The following KAZN variants were observed in gnomAD, a reference collection of about 807,000 sequenced individuals.
KAZN encodes the protein kazrin, periplakin interacting protein.
In KAZN, 40 loss-of-function variants were observed where a neutral mutation model predicts 87.4. The ratio of observed to expected loss-of-function variants is 0.46; its 90% CI spans 0.36 to 0.60. The LOEUF (loss-of-function observed/expected upper bound fraction) is 0.60. Among genes scored for constraint, KAZN ranks in the 20% least tolerant of loss-of-function variants. The pLI, the probability that KAZN is intolerant of heterozygous loss-of-function variation, is 0.00. For missense variants in KAZN, 898 were observed against 1,073.9 expected (o/e 0.84, Z 2.29); for synonymous variants, 466 against 458.3 (o/e 1.02, Z -0.22).
intron 1 of KAZN, among the ~76,000 whole-genome samples, chr1:14,149,095 C>T (rs1444706443): frequency 1.9e-4 from 10 of 51,802 alleles, no homozygotes; most frequent in South Asian, 9.0e-4. Context: ...TCCTTCCTTT[C>T]TTTCTTTCCT....
chr1:15,082,443 G>A (rs1418850127), intron 8 of KAZN, among the ~76,000 whole-genome samples: 1 of 152,178 alleles, frequency 6.6e-6, no homozygotes, highest in Non-Finnish European at 1.5e-5. Context: ...CCCAGGGCAT[G>A]GGTCACTCAG....
At chr1:13,962,195 C>T (rs1166644863) in intron 1 of KAZN, among the ~76,000 whole-genome samples, 2 of 152,064 alleles carry the variant, frequency 1.3e-5, no homozygotes, top group Admixed American at 6.6e-5. Flanking sequence ...TGCCGGGGCT[C>T]TGGGCTGGGT....
At chr1:14,835,380 G>A (rs1647199778) in intron 1 of KAZN, among the ~76,000 whole-genome samples, 1 of 152,190 alleles carries the variant, frequency 6.6e-6, no homozygotes, top group Non-Finnish European at 1.5e-5. Context: ...TACAGCTCCA[G>A]AGAGTGTTTC....
rs1046112946 is a variant in KAZN at position 14,820,563 on chromosome 1, C to A, written c.227-140121C>A. On this transcript the variant is annotated intron_variant, in intron 1 of 14. Coordinates refer to ENST00000376030, the MANE Select transcript of KAZN (RefSeq NM_201628.3). The surrounding 1 kb of genome is among the most constrained non-coding windows in gnomAD (Gnocchi z 4.1). ...GCAGAACAAACTGCATGGAATGTCA[C>A]GTGGGGTTTTCCACTCTCGCCCACA... 6.6e-6 allele frequency among the ~76,000 whole-genome samples: 1 copy of A among 152,234 alleles called. No individual in the cohort carries two copies. The highest frequency in any genetic ancestry group is 1.9e-4 in the East Asian group (1 of 5,204).
intron 1 of KAZN, among the ~76,000 whole-genome samples, chr1:14,904,844 C>T (rs994402499): frequency 1.9e-4 from 29 of 152,210 alleles, no homozygotes; most frequent in Non-Finnish European, 2.4e-4. Flanking sequence ...TCACTGCAAG[C>T]TCCGCCACTC....
intron 1 of KAZN, among the ~76,000 whole-genome samples, chr1:14,802,614 G>A (rs191955361): frequency 1.3e-5 from 2 of 152,134 alleles, no homozygotes; most frequent in East Asian, 1.9e-4. Flanking sequence ...CAGCCGTCTC[G>A]GGGCTGGGAA....
At chr1:14,560,535 G>A (rs961445451) in intron 2 of KAZN, among the ~76,000 whole-genome samples, 9 of 152,118 alleles carry the variant, frequency 5.9e-5, no homozygotes, top group African/African-American at 1.2e-4. Context: ...CCGAGATCGC[G>A]CCACTGCACT....
chr1:14,650,032 CTTTTTTTT>C (rs34399319), intron 1 of KAZN, among the ~76,000 whole-genome samples: 2,130 of 88,384 alleles, frequency 0.024, 31 homozygotes, highest in South Asian at 0.029. Flanking sequence ...CTCCACCCAT[CTTTTTTTT>C]TTTTTTTTTT....
At chr1:14,402,113 AT>A (rs1165525506) in intron 2 of KAZN, among the ~76,000 whole-genome samples, 2 of 151,512 alleles carry the variant, frequency 1.3e-5, no homozygotes, top group East Asian at 3.9e-4. Flanking sequence ...GAACATATAT[AT>A]TTTCAGAACT....
At chr1:14,572,592 T>G (rs965791813) in intron 2 of KAZN, among the ~76,000 whole-genome samples, 2 of 152,228 alleles carry the variant, frequency 1.3e-5, no homozygotes, top group Non-Finnish European at 1.5e-5. Context: ...GGCTGGCTTC[T>G]TGTGCGCTTG....
At chr1:14,813,847 A>C (rs1455148568) in intron 1 of KAZN, among the ~76,000 whole-genome samples, 4 of 152,222 alleles carry the variant, frequency 2.6e-5, no homozygotes, top group Non-Finnish European at 5.9e-5. Flanking sequence ...GTTGAGAATT[A>C]AACAAGACAG....
At chr1:14,718,271 A>G (rs912122586) in intron 1 of KAZN, among the ~76,000 whole-genome samples, 4 of 152,194 alleles carry the variant, frequency 2.6e-5, no homozygotes, top group African/African-American at 9.7e-5. Flanking sequence ...TTATGTTGCC[A>G]CCACATTTGT....
intron 1 of KAZN, among the ~76,000 whole-genome samples, chr1:14,751,071 T>G (rs6661767): frequency 0.45 from 68,099 of 151,792 alleles, 15,566 homozygotes; most frequent in Middle Eastern, 0.54. Flanking sequence ...AGAGGAGATG[T>G]GAAGCTTTGA....
At chr1:14,055,326 C>T (rs1490366964) in intron 1 of KAZN, among the ~76,000 whole-genome samples, 3 of 152,172 alleles carry the variant, frequency 2.0e-5, no homozygotes, top group African/African-American at 7.2e-5. Context: ...CAGCTGACAT[C>T]ATTGTTGCAG....
intron 1 of KAZN, among the ~76,000 whole-genome samples, chr1:13,995,621 C>T (rs1203147638): frequency 1.3e-5 from 2 of 152,196 alleles, no homozygotes; most frequent in Non-Finnish European, 2.9e-5. Flanking sequence ...ACAGATTTGA[C>T]ACGATCCCAA....
intron 1 of KAZN, among the ~76,000 whole-genome samples, chr1:14,873,722 G>A (rs902785366): frequency 3.9e-5 from 6 of 152,200 alleles, no homozygotes; most frequent in African/African-American, 9.7e-5. Context: ...AGACTCTAGG[G>A]AGGAAAGGCA....
At chr1:15,072,121 A>C (rs1639531267) in intron 8 of KAZN, among the ~76,000 whole-genome samples, 1 of 152,130 alleles carries the variant, frequency 6.6e-6, no homozygotes, top group Admixed American at 6.5e-5. Context: ...TTAACCTATG[A>C]ACCTCAGTGT....
chr1:14,485,115 A>G (rs892026224), intron 2 of KAZN, among the ~76,000 whole-genome samples: 4 of 152,194 alleles, frequency 2.6e-5, no homozygotes, highest in Non-Finnish European at 4.4e-5. Flanking sequence ...GCTAACCTTT[A>G]TTTCAGGGAA....
rs182959914 is a variant in KAZN at position 14,177,537 on chromosome 1, G to A, written c.92-2898G>A. Among the ~76,000 whole-genome samples, 4 of 152,238 alleles carry A rather than the reference G, an allele frequency of 2.6e-5. No homozygotes were observed. The East Asian group carries it at 7.7e-4, about 29-fold the overall frequency. On this transcript the variant is annotated intron_variant, in intron 1 of 16. Transcript: ENST00000636203. ...ATTGATGGTTATAGAACTGTACATT[G>A]GCAATTTCGGTTGGCAAGTTTTTTG... is the stretch of plus-strand genomic sequence containing the variant.
Sources: allele counts gnomAD v4.1 joint callset (sites outside exome capture counted in the v4.1 genomes callset), GRCh38; gene constraint gnomAD v4.1.1; non-coding constraint Gnocchi (gnomAD v3.1); transcripts MANE v1.5; gene names NCBI Gene and HGNC (gene_info 2026-07-23, HGNC 2026-07-21).